Variants in SHISA9 observed in about 807,000 individuals in gnomAD.
The protein encoded by SHISA9 is shisa family member 9, also known as protein shisa-9.
A neutral mutation model predicts 38.0 loss-of-function variants in SHISA9; 13 were observed. That is an observed-to-expected ratio of 0.34 (90% confidence interval 0.22 to 0.54). The LOEUF (loss-of-function observed/expected upper bound fraction) is 0.54. Among genes scored for constraint, SHISA9 ranks in the 20% least tolerant of loss-of-function variants. The pLI, the probability that SHISA9 is intolerant of heterozygous loss-of-function variation, is 0.91. For synonymous variants in SHISA9, 275 were observed against 242.0 expected (o/e 1.14, Z -1.27); for missense variants, 538 against 575.8 (o/e 0.93, Z 0.67).
intron 2 of SHISA9, among the ~76,000 whole-genome samples, chr16:13,071,322 C>T (rs1413693313): frequency 6.6e-6 from 1 of 152,132 alleles, no homozygotes; most frequent in Non-Finnish European, 1.5e-5. Context: ...TGGTTTTGAG[C>T]ACTTTCTGTA....
the SHISA9 span, among the ~76,000 whole-genome samples, chr16:13,288,971 T>G: frequency 6.6e-6 from 1 of 152,108 alleles, no homozygotes. Flanking sequence ...GAGTGAGGCT[T>G]CAATATATGA....
intron 2 of SHISA9, among the ~76,000 whole-genome samples, chr16:13,072,050 T>G (rs1291294189): frequency 2.0e-5 from 3 of 152,198 alleles, no homozygotes; most frequent in African/African-American, 7.2e-5. Context: ...ACTCCGCTTC[T>G]CTGCAGTGCC....
At chr16:13,015,025 T>C (rs1486742742) in intron 2 of SHISA9, among the ~76,000 whole-genome samples, 1 of 152,220 alleles carries the variant, frequency 6.6e-6, no homozygotes, top group East Asian at 1.9e-4. Context: ...ATTCTCTCCT[T>C]TCATCAGCAT....
chr16:13,367,661 A>G, the SHISA9 span, among the ~76,000 whole-genome samples: 12 of 123,092 alleles, frequency 9.7e-5, no homozygotes, highest in East Asian at 1.6e-3. Flanking sequence ...TGCGGGGGGG[A>G]ATGAAGATGT....
chr16:13,187,328 CT>C (rs372286181), intron 2 of SHISA9, among the ~76,000 whole-genome samples: 4,779 of 90,602 alleles, frequency 0.053, 49 homozygotes, highest in Non-Finnish European at 0.075. Flanking sequence ...CTTTTCTTTT[CT>C]TTTTTTTTTT....
the SHISA9 span, among the ~76,000 whole-genome samples, chr16:13,446,231 CACCGTGCCTG>C: frequency 6.6e-6 from 1 of 152,144 alleles, no homozygotes; most frequent in Non-Finnish European, 1.5e-5. Context: ...AGGTGTGAGC[CACCGTGCCTG>C]GCCGTGCCTA....
chr16:13,355,715 T>G, the SHISA9 span, among the ~76,000 whole-genome samples: 1 of 152,064 alleles, frequency 6.6e-6, no homozygotes, highest in Non-Finnish European at 1.5e-5. Context: ...GTGGAGTGGG[T>G]AGCCTCCGTA....
intron 2 of SHISA9, among the ~76,000 whole-genome samples, chr16:13,200,298 T>A (rs145133520): frequency 6.6e-6 from 1 of 152,260 alleles, no homozygotes; most frequent in Non-Finnish European, 1.5e-5. Flanking sequence ...ACTTGAGTTG[T>A]GTGATGAGCT....
chr16:13,177,398 C>T (rs1259757896), intron 2 of SHISA9, among the ~76,000 whole-genome samples: 1 of 152,104 alleles, frequency 6.6e-6, no homozygotes, highest in African/African-American at 2.4e-5. Flanking sequence ...ACTATGGCTG[C>T]CCTGTGGCCA....
At chr16:13,008,609 T>C (rs1339183008) in intron 2 of SHISA9, among the ~76,000 whole-genome samples, 4 of 150,420 alleles carry the variant, frequency 2.7e-5, no homozygotes, top group African/African-American at 7.3e-5. Context: ...CTTTTTTCTC[T>C]CTCTCTCTCC....
At chr16:13,338,203 C>A in the SHISA9 span, among the ~76,000 whole-genome samples, 1 of 152,148 alleles carries the variant, frequency 6.6e-6, no homozygotes, top group African/African-American at 2.4e-5. Context: ...GCATCTGAGT[C>A]CTGGTGATGT....
the SHISA9 span, among the ~76,000 whole-genome samples, chr16:13,473,098 G>T: frequency 1.3e-5 from 2 of 152,096 alleles, no homozygotes; most frequent in East Asian, 3.9e-4. Context: ...CTAACTTTCT[G>T]TCTCTGTAAG....
At chr16:13,050,757 A>C (rs954803680) in intron 2 of SHISA9, among the ~76,000 whole-genome samples, 8 of 152,208 alleles carry the variant, frequency 5.3e-5, no homozygotes, top group Non-Finnish European at 1.2e-4. Flanking sequence ...TCATCCCCTC[A>C]ATAAGCTAGT....
At chr16:12,944,374 C>T (rs1014435593) in intron 2 of SHISA9, among the ~76,000 whole-genome samples, 8 of 152,170 alleles carry the variant, frequency 5.3e-5, no homozygotes, top group African/African-American at 1.9e-4. Context: ...ATGTCATCAC[C>T]CTCTCTCAGG....
At chr16:12,925,973 G>A (rs1238995986) in intron 2 of SHISA9, among the ~76,000 whole-genome samples, 1 of 152,066 alleles carries the variant, frequency 6.6e-6, no homozygotes, top group Non-Finnish European at 1.5e-5. Context: ...TGATCCACCT[G>A]CCTCGGCCTC....
At chr16:13,233,347 A>G (rs1186968365) in intron 4 of SHISA9, among the ~76,000 whole-genome samples, 1 of 152,194 alleles carries the variant, frequency 6.6e-6, no homozygotes, top group African/African-American at 2.4e-5. Flanking sequence ...TCAATGCTGG[A>G]GAGAGTGTAG....
the SHISA9 span, among the ~76,000 whole-genome samples, chr16:13,256,063 T>C: frequency 6.6e-6 from 1 of 152,176 alleles, no homozygotes; most frequent in African/African-American, 2.4e-5. Context: ...ACAGTTAGGC[T>C]ATTGGAAGTT....
the SHISA9 span, among the ~76,000 whole-genome samples, chr16:13,375,235 A>T: frequency 6.6e-6 from 1 of 152,190 alleles, no homozygotes; most frequent in Non-Finnish European, 1.5e-5. Flanking sequence ...TTCAGTCATG[A>T]AGTCCTTTCC....
intron 2 of SHISA9, among the ~76,000 whole-genome samples, chr16:13,134,923 G>A (rs1308822140): frequency 6.6e-6 from 1 of 152,076 alleles, no homozygotes; most frequent in Non-Finnish European, 1.5e-5. Context: ...AGCAGAGAGG[G>A]AAAAAGAGAC....
Sources: allele counts gnomAD v4.1 joint callset (sites outside exome capture counted in the v4.1 genomes callset), GRCh38; gene constraint gnomAD v4.1.1; transcripts MANE v1.5; gene names NCBI Gene and HGNC (gene_info 2026-07-23, HGNC 2026-07-21).